Variants in TRAPPC14 observed in about 807,000 individuals in gnomAD.
The protein encoded by TRAPPC14 is microtubule associated protein 11.
Under a neutral mutation model 56.6 loss-of-function variants are expected in TRAPPC14, and 24 were observed. The observed-to-expected ratio is 0.42, with a 90% CI of 0.31 to 0.60. TRAPPC14 has a LOEUF of 0.60. TRAPPC14 is among the 20% of genes least tolerant of loss of function. TRAPPC14 has a pLI of 0.14. For synonymous variants in TRAPPC14, 377 were observed against 347.0 expected, an observed-to-expected ratio of 1.09 and a Z score of -0.96; for missense variants, 615 against 790.3, an observed-to-expected ratio of 0.78 and a Z score of 2.66.
chr7:100,157,327 A>G, intron 4 of TRAPPC14, 46 bp downstream of exon 4: 1 of 1,613,200 alleles, frequency 6.2e-7, no homozygotes, highest in Non-Finnish European at 8.5e-7. Flanking sequence ...GCATCCAATC[A>G]GTTCCCTTGT....
rs757802165 is a variant in TRAPPC14 at position 100,155,350 on chromosome 7, C to A, written c.1501G>T (p.Val501Phe). 4.5e-6 allele frequency: 7 copies of A among 1,550,908 alleles called. No individual in the cohort carries two copies. Among genetic ancestry groups the A allele is most frequent in the African/African-American group, 1.4e-5 (1 of 73,166 alleles). The change falls in exon 10 of 11, where the codon GTC (valine) becomes TTC (phenylalanine). Residue 501 changes from valine (V) to phenylalanine (F), a missense_variant. Val to Phe is a conservative substitution (Grantham distance 50). Transcript: ENST00000316937. ...SRKSSPSSPA[V>F]RDLVERHQAS... ...TGATGCCTCTCCACCAAGTCCCGGA[C>A]AGCAGGGCTGCTGGGGCTGCTCTTG...
chr7:100,157,647 GCGCTCTGCTCGCCCCGGAATGTCTC>G lies in TRAPPC14; in HGVS notation c.598_622del (p.Glu200LeufsTer6). The G allele has an allele frequency of 1.2e-6, 2 of 1,614,182 alleles. No homozygotes were observed. The highest frequency in any genetic ancestry group is 8.5e-7 in the Non-Finnish European group (1 of 1,180,036). On this transcript the variant is annotated frameshift_variant, in exon 3 of 11. Coordinates refer to ENST00000316937, the MANE Select transcript of TRAPPC14 (RefSeq NM_018275.5). LOFTEE classifies it high-confidence loss of function. ...GCCCTGCCCACCTTGGGCCTTGAAA[GCGCTCTGCTCGCCCCGGAATGTCTC>G]CCCAGGAGATCGGGTCTGCAGCAAT... is the stretch of plus-strand genomic sequence containing the variant.
chr7:100,154,638 C>T lies in TRAPPC14; in HGVS notation c.*373G>A, dbSNP rs932046273. 1.3e-4 allele frequency: 41 copies of T among 304,252 alleles called. 1 individual carries two copies. The highest frequency in any genetic ancestry group is 1.2e-4 in the South Asian group (4 of 32,150). 18.8% of individuals were successfully genotyped at this position (304,252 alleles called of 1,614,324 possible). A position where few individuals can be genotyped will look rare whatever the true frequency, so the allele number is the denominator to read the frequency against. ...CCATCACCACCCTCTAATCTCAGCC[C>T]TGCGGGAGGGAGGGAGGGAATGTCA... On this transcript the variant is annotated 3_prime_UTR_variant, in exon 11 of 11. Coordinates refer to ENST00000316937, the MANE Select transcript of TRAPPC14 (RefSeq NM_018275.5).
At chr7:100,156,278 T>G in intron 8 of TRAPPC14, 108 bp downstream of exon 8, 2 of 1,172,910 alleles carry the variant, frequency 1.7e-6, no homozygotes, top group Non-Finnish European at 1.2e-6. Flanking sequence ...TCGCCTCCTG[T>G]GATGGGGCTG....
At position 100,157,429 on chromosome 7, in the gene TRAPPC14, G is replaced by T. The variant is rs1459892220; in HGVS notation, c.668C>A (p.Pro223Gln). 1 of 1,613,844 alleles carries T rather than the reference G, an allele frequency of 6.2e-7. No homozygotes were observed. Among genetic ancestry groups the T allele is most frequent in the Non-Finnish European group, 8.5e-7 (1 of 1,180,032 alleles). The change falls in exon 4 of 11, where the codon CCG becomes CAG. Residue 223 changes from proline to glutamine, a missense_variant. Coordinates refer to ENST00000316937, the MANE Select transcript of TRAPPC14 (RefSeq NM_018275.5). ...VSTLLTLLPP[P>Q]VLRCRQFTVA... ...AGTGAACTGCCGGCATCTCAGAACC[G>T]GAGGGGGCAGCAGAGTCAGCAGCGT...
At position 100,158,135 on chromosome 7, in the gene TRAPPC14, AG is replaced by A. The variant is rs1465043473; in HGVS notation, c.364del (p.Leu122PhefsTer50). ...AGCAGGGCCCGGGCCGTGGGTGAGA[AG>A]GGGGCTGCAGCCTCGGAACAAACCC... ...GGGLFRGCSP[L>X]LTHGPGPATS... On this transcript the variant is annotated frameshift_variant, in exon 1 of 11. Coordinates refer to ENST00000316937, the MANE Select transcript of TRAPPC14 (RefSeq NM_018275.5). LOFTEE classifies it high-confidence loss of function. 6.7e-7 allele frequency: 1 copy of A among 1,492,214 alleles called. No individual in the cohort carries two copies. Among genetic ancestry groups the A allele is most frequent in the Admixed American group, 2.4e-5 (1 of 42,424 alleles). 92.4% of individuals were successfully genotyped at this position (1,492,214 alleles called of 1,614,324 possible).
In TRAPPC14 at chr7:100,154,790, A is replaced by C. The variant is rs1798836864; in HGVS notation, c.*221T>G. The stretch of plus-strand genomic sequence containing the variant: ...CCTAGGGGTGGGGCCAGCCCCCCCC[A>C]CAGGAACTCGGGGAATACTGGTGGC... On this transcript the variant is annotated 3_prime_UTR_variant, in exon 11 of 11. Transcript: ENST00000316937. The C allele has an allele frequency of 7.5e-5, 44 of 588,936 alleles. No homozygotes were observed. The South Asian group carries it at 8.2e-4, about 11-fold the overall frequency. The allele number at this position is 588,936 out of a possible 1,614,324, so 36.5% of individuals were successfully genotyped here.
intron 8 of TRAPPC14, 171 bp from the exon 9 acceptor site, chr7:100,155,996 G>A (rs747456142): frequency 3.4e-6 from 3 of 870,278 alleles, no homozygotes; most frequent in East Asian, 4.8e-5. Context: ...TGTGTGCAAG[G>A]CACGTCACGT....
In TRAPPC14 at chr7:100,155,797, C is replaced by G; in HGVS notation, c.1269G>C (p.Arg423=). 2 of 1,614,190 alleles carry G rather than the reference C, an allele frequency of 1.2e-6. No homozygotes were observed. The highest frequency in any genetic ancestry group is 1.7e-6 in the Non-Finnish European group (2 of 1,180,046). The change falls in exon 9 of 11, where the codon CGG becomes CGC. Residue 423 remains arginine (R), a synonymous_variant. Coordinates refer to ENST00000316937, the MANE Select transcript of TRAPPC14 (RefSeq NM_018275.5). The part of the protein sequence containing the change: ...AGKQLCEEER[R]AMQAALDSVV... ...CGGAGTCCAGGGCAGCCTGCATGGC[C>G]CGGCGCTCCTCCTCACACAGCTGCT... is the stretch of plus-strand genomic sequence containing the variant.
In TRAPPC14 at chr7:100,157,640, C is replaced by T. The variant is rs993644179; in HGVS notation, c.630G>A (p.Lys210=). 1.9e-6 allele frequency: 3 copies of T among 1,614,218 alleles called. No individual in the cohort carries two copies. In the Admixed American group the frequency reaches 5.0e-5, roughly 27 times the overall value. Reference sequence around the variant, plus strand: ...CTGCGCTGCCCTGCCCACCTTGGGCCTTGAAAGCGCTCTGCTCGCCCCGGA... The same window carrying T: ...CTGCGCTGCCCTGCCCACCTTGGGCTTTGAAAGCGCTCTGCTCGCCCCGGA... ...ETFRGEQSAF[K]AQVSTLLTLL... is the part of the protein sequence containing the mutation. Residue 210 remains lysine, a synonymous_variant, in exon 3 of 11, where the codon AAG becomes AAA. Transcript: ENST00000316937.
chr7:100,157,912 G>C lies in TRAPPC14; in HGVS notation c.438C>G (p.Ser146=). Residue 146 remains serine (S), a synonymous_variant, in exon 2 of 11, where the codon TCC becomes TCG. Transcript: ENST00000316937. ...TGAGTGGGAAGATGACCTCATCTGT[G>C]GACACAATCGGTTCCTCCACAGGCA... is the stretch of plus-strand genomic sequence containing the variant. ...TTLPVEEPIV[S]TDEVIFPLTV... The C allele has an allele frequency of 6.4e-7, 1 of 1,550,816 alleles. No homozygotes were observed. Among genetic ancestry groups the C allele is most frequent in the African/African-American group, 1.4e-5 (1 of 73,370 alleles).
Position 100,158,152 on chromosome 7 carries a change from G to A in TRAPPC14, c.348C>T (p.Phe116=), listed in dbSNP as rs1331375684. 4 of 1,476,194 alleles carry A rather than the reference G, an allele frequency of 2.7e-6. No individual in the cohort carries two copies. Among genetic ancestry groups the A allele is most frequent in the Non-Finnish European group, 1.8e-6 (2 of 1,120,916 alleles). 91.4% of individuals were successfully genotyped at this position (1,476,194 alleles called of 1,614,324 possible). Residue 116 remains phenylalanine, a synonymous_variant, in exon 1 of 11, where the codon TTC becomes TTT. Transcript: ENST00000316937. ...GGGTGAGAAGGGGGCTGCAGCCTCG[G>A]AACAAACCCCCACCCCCAGGATCCC... ...GGGDPGGGGL[F]RGCSPLLTHG... is the part of the protein sequence containing the mutation.
intron 8 of TRAPPC14, 107 bp downstream of exon 8, chr7:100,156,279 G>T: frequency 2.5e-6 from 3 of 1,188,300 alleles, no homozygotes; most frequent in Non-Finnish European, 3.6e-6. Flanking sequence ...CGCCTCCTGT[G>T]ATGGGGCTGG....
Position 100,156,989 on chromosome 7 carries a change from G to A in TRAPPC14, c.849C>T (p.His283=), listed in dbSNP as rs147759270. Residue 283 remains histidine (H), a synonymous_variant, in exon 6 of 11, where the codon CAC becomes CAT. Coordinates refer to ENST00000316937, the MANE Select transcript of TRAPPC14 (RefSeq NM_018275.5). ...AGCCCATGGAGACTTCCCCAGACTG[G>A]TGACTAGCTCAGAAAAGAGGACAAG... ...GSVLLVDNVC[H]QSGEVSMGSF... is the part of the protein sequence containing the mutation. The A allele has an allele frequency of 3.8e-4, 621 of 1,613,888 alleles. No individual in the cohort carries two copies. Among genetic ancestry groups the A allele is most frequent in the Non-Finnish European group, 4.9e-4 (583 of 1,179,982 alleles).
In TRAPPC14 at chr7:100,155,745, G is replaced by C. The variant is rs763555966; in HGVS notation, c.1321C>G (p.Leu441Val). Reference protein sequence around the residue: ...SVVCHTPLNNLGFSRKGSALT... With the variant: ...SVVCHTPLNNVGFSRKGSALT... ...GCGCTGCCCTTCCGGGAAAAGCCAAGGTTGTTGAGGGGCGTGTGGCAGACG... is the reference window on the plus strand; with the variant it reads ...GCGCTGCCCTTCCGGGAAAAGCCAACGTTGTTGAGGGGCGTGTGGCAGACG... Residue 441 changes from leucine (L) to valine (V), a missense_variant, in exon 9 of 11, where the codon CTT becomes GTT. Leu to Val is a conservative substitution (Grantham distance 32). Coordinates refer to ENST00000316937, the MANE Select transcript of TRAPPC14 (RefSeq NM_018275.5). 2 of 1,614,246 alleles carry C rather than the reference G, an allele frequency of 1.2e-6. No homozygotes were observed. Among genetic ancestry groups the C allele is most frequent in the East Asian group, 4.5e-5 (2 of 44,890 alleles).
Position 100,156,919 on chromosome 7 carries a change from G to C in TRAPPC14, c.919C>G (p.Leu307Val). The change falls in exon 6 of 11, where the codon CTG (leucine) becomes GTG (valine). Residue 307 changes from leucine (L) to valine (V), a missense_variant. Leu to Val is a conservative substitution (Grantham distance 32). Coordinates refer to ENST00000316937, the MANE Select transcript of TRAPPC14 (RefSeq NM_018275.5). ...PGTSGCFPCP[L>V]NALEEHNFLF... ...AAGTTGTGTTCCTCCAGGGCATTCA[G>C]CGGGCAGGGGAAGCAGCCAGAGGTC... is the stretch of plus-strand genomic sequence containing the variant. 6.2e-7 allele frequency: 1 copy of C among 1,614,110 alleles called. No homozygotes were observed. Among genetic ancestry groups the C allele is most frequent in the Non-Finnish European group, 8.5e-7 (1 of 1,180,040 alleles).
In TRAPPC14 at chr7:100,158,480, T is replaced by C; in HGVS notation, c.20A>G (p.Tyr7Cys). 7.4e-7 allele frequency: 1 copy of C among 1,359,990 alleles called. No individual in the cohort carries two copies. Among genetic ancestry groups the C allele is most frequent in the Non-Finnish European group, 9.4e-7 (1 of 1,059,476 alleles). 84.2% of individuals were successfully genotyped at this position (1,359,990 alleles called of 1,614,324 possible). The change falls in exon 1 of 11, where the codon TAC becomes TGC. Residue 7 changes from tyrosine to cysteine, a missense_variant. By Grantham distance (194) the Tyr-to-Cys change is radical. Transcript: ENST00000316937. MESQCD[Y>C]SMYFPAVPLP... ...CGGCACGGCCGGGAAGTACATCGAG[T>C]AGTCGCACTGGGACTCCATGGGGCG...
At position 100,158,077 on chromosome 7, in the gene TRAPPC14, A is replaced by G. The variant is rs1355502372; in HGVS notation, c.411+12T>C. ...CCCTCCGTCCTGTGCCAGGTCCCCC[A>G]AAGCTCCTCACCGTGGTCGCTCCCC... On this transcript the variant is annotated intron_variant, in intron 1 of 10. Transcript: ENST00000316937. The G allele has an allele frequency of 2.1e-6, 3 of 1,454,628 alleles. No individual in the cohort carries two copies. Among genetic ancestry groups the G allele is most frequent in the African/African-American group, 2.9e-5 (2 of 69,356 alleles). 90.1% of individuals were successfully genotyped at this position (1,454,628 alleles called of 1,614,324 possible).
Position 100,158,326 on chromosome 7 carries a change from G to A in TRAPPC14, c.174C>T (p.Ser58=). The A allele has an allele frequency of 1.4e-6, 2 of 1,462,488 alleles. No homozygotes were observed. The highest frequency in any genetic ancestry group is 1.8e-6 in the Non-Finnish European group (2 of 1,112,148). 90.6% of individuals were successfully genotyped at this position (1,462,488 alleles called of 1,614,324 possible). Residue 58 remains serine, a synonymous_variant, in exon 1 of 11, where the codon TCC becomes TCT. Coordinates refer to ENST00000316937, the MANE Select transcript of TRAPPC14 (RefSeq NM_018275.5). The part of the protein sequence containing the change: ...LVLRCRGGAG[S]GTGGGPGLGS... ...CCAAGCCCGGGCCGCCCCCGGTGCC[G>A]GACCCCGCACCGCCCCGGCAGCGCA...
Sources: allele counts gnomAD v4.1 joint callset, GRCh38; gene constraint gnomAD v4.1.1; transcripts MANE v1.5; gene names NCBI Gene and HGNC (gene_info 2026-07-23, HGNC 2026-07-21).